The following NSRP1 variants were observed in gnomAD, a reference collection of about 807,000 sequenced individuals.
NSRP1 encodes the protein coiled-coil domain containing 55.
A neutral mutation model predicts 54.7 loss-of-function variants in NSRP1; 24 were observed. The ratio of observed to expected loss-of-function variants is 0.44; its 90% confidence interval spans 0.32 to 0.62. The LOEUF is 0.62. Ranked by LOEUF, NSRP1 falls within the 20% of genes least tolerant of loss-of-function variation. The pLI is 0.06. For missense variants in NSRP1, 596 were observed against 651.2 expected (o/e 0.92, Z 0.92); for synonymous variants, 210 against 213.8 (o/e 0.98, Z 0.15).
intron 2 of NSRP1, among the ~76,000 whole-genome samples, chr17:30,158,686 TTAG>T (rs1330853685): frequency 6.6e-6 from 1 of 152,122 alleles, no homozygotes; most frequent in Non-Finnish European, 1.5e-5. Context: ...ATGTGGATAT[TTAG>T]TTCTCCTAGC....
At chr17:30,164,763 G>C (rs887038690) in intron 2 of NSRP1, among the ~76,000 whole-genome samples, 1 of 151,902 alleles carries the variant, frequency 6.6e-6, no homozygotes, top group South Asian at 2.1e-4. Context: ...ATGTCACTGC[G>C]CTCCAGCCTG....
intron 2 of NSRP1, among the ~76,000 whole-genome samples, chr17:30,155,449 A>C (rs2143004886): frequency 6.6e-6 from 1 of 152,358 alleles, no homozygotes; most frequent in Admixed American, 6.5e-5. Flanking sequence ...GAAAATTACC[A>C]GTCATTCAAA....
At chr17:30,127,242 T>G (rs1224563148) in intron 2 of NSRP1, among the ~76,000 whole-genome samples, 8 of 152,188 alleles carry the variant, frequency 5.3e-5, no homozygotes, top group Non-Finnish European at 1.2e-4. Flanking sequence ...CCTAGAACTG[T>G]TTTTTAGATG....
intron 2 of NSRP1, among the ~76,000 whole-genome samples, chr17:30,119,755 G>A (rs535147044): frequency 6.6e-6 from 1 of 152,102 alleles, no homozygotes; most frequent in Non-Finnish European, 1.5e-5. Flanking sequence ...CACCCACCTT[G>A]GCCTCCCAAA....
At chr17:30,159,413 G>C (rs971517843) in intron 2 of NSRP1, among the ~76,000 whole-genome samples, 4 of 151,994 alleles carry the variant, frequency 2.6e-5, no homozygotes, top group Admixed American at 1.3e-4. Flanking sequence ...GTCATCTGCA[G>C]AGAGGGACAG....
At chr17:30,168,070 C>G (rs1438583776) in intron 2 of NSRP1, 1 of 152,098 alleles carries the variant, frequency 6.6e-6, no homozygotes, top group Non-Finnish European at 1.5e-5. Flanking sequence ...CTTTCCATGC[C>G]TTTTAATTCT....
intron 2 of NSRP1, among the ~76,000 whole-genome samples, chr17:30,132,552 A>T (rs1291722432): frequency 2.6e-5 from 4 of 152,224 alleles, no homozygotes; most frequent in African/African-American, 9.6e-5. Context: ...AGACTGTCTC[A>T]AAAAGAAAAG....
intron 6 of NSRP1, 57 bp downstream of exon 6, chr17:30,181,073 G>A: frequency 9.1e-7 from 1 of 1,093,138 alleles, no homozygotes. Flanking sequence ...ATCTGTGGTT[G>A]TGGGGTCATT....
At chr17:30,122,286 CATTGGATATTCT>C (rs1210495968) in intron 2 of NSRP1, 8 of 126,966 alleles carry the variant, frequency 6.3e-5, no homozygotes, top group Non-Finnish European at 1.1e-4. Flanking sequence ...TTTTCATTTC[CATTGGATATTCT>C]ATTGGATATG....
At chr17:30,151,562 A>T (rs1330592534) in intron 2 of NSRP1, among the ~76,000 whole-genome samples, 1 of 152,166 alleles carries the variant, frequency 6.6e-6, no homozygotes, top group Non-Finnish European at 1.5e-5. Flanking sequence ...GTTCATCATC[A>T]TCTTCACATT....
intron 2 of NSRP1, among the ~76,000 whole-genome samples, chr17:30,153,196 C>G (rs2071930556): frequency 6.6e-6 from 1 of 152,150 alleles, no homozygotes; most frequent in Non-Finnish European, 1.5e-5. Flanking sequence ...GGATTACAGG[C>G]ATAAGCCACC....
At chr17:30,126,501 T>G (rs2151877324) in intron 2 of NSRP1, among the ~76,000 whole-genome samples, 1 of 152,366 alleles carries the variant, frequency 6.6e-6, no homozygotes, top group Admixed American at 6.5e-5. Context: ...TTTTAAAAGC[T>G]TGCATTATAA....
intron 1 of NSRP1, among the ~76,000 whole-genome samples, chr17:30,117,780 AT>A (rs2071555511): frequency 6.7e-6 from 1 of 148,876 alleles, no homozygotes; most frequent in African/African-American, 2.5e-5. Context: ...TTTTTTTTAA[AT>A]GTTACTGTCA....
chr17:30,158,485 T>C (rs959789796), intron 2 of NSRP1, among the ~76,000 whole-genome samples: 9 of 152,264 alleles, frequency 5.9e-5, no homozygotes, highest in Non-Finnish European at 1.3e-4. Flanking sequence ...CATTTATCTA[T>C]CTTTGTTTTT....
At chr17:30,175,624 C>T (rs7216487) in intron 3 of NSRP1, among the ~76,000 whole-genome samples, 1 of 151,144 alleles carries the variant, frequency 6.6e-6, no homozygotes, top group African/African-American at 2.4e-5. Context: ...GATGGCCAGG[C>T]GCTCTCTTCA....
In NSRP1 at chr17:30,177,880, T is replaced by A. The variant is rs1005502145; in HGVS notation, c.172-191T>A. The A allele has an allele frequency of 1.8e-5, 12 of 659,950 alleles. No homozygotes were observed. In the African/African-American group the frequency reaches 2.2e-4, roughly 12 times the overall value. The allele number at this position is 659,950 out of a possible 1,614,324, so 40.9% of individuals were successfully genotyped here. The stretch of plus-strand genomic sequence containing the variant: ...TTACAAACAAACTTGCCCGGAGTAA[T>A]TAGTAAGTGTAGAGCCAGCATTCAT... On this transcript the variant is annotated intron_variant, in intron 3 of 6. Coordinates refer to ENST00000247026, the MANE Select transcript of NSRP1 (RefSeq NM_032141.4).
intron 2 of NSRP1, among the ~76,000 whole-genome samples, chr17:30,136,790 T>C (rs561406911): frequency 6.6e-6 from 1 of 152,172 alleles, no homozygotes; most frequent in East Asian, 1.9e-4. Flanking sequence ...ATATGATTGA[T>C]TGGGATCTTT....
chr17:30,119,053 G>A (rs111691523), intron 2 of NSRP1, among the ~76,000 whole-genome samples: 8 of 150,538 alleles, frequency 5.3e-5, no homozygotes, highest in African/African-American at 1.7e-4. Context: ...CAGTAAATAT[G>A]TGCTTTTCCA....
chr17:30,186,030 G>A lies in NSRP1; in HGVS notation c.*356G>A, dbSNP rs1905523825. On this transcript the variant is annotated 3_prime_UTR_variant, in exon 7 of 7. Transcript: ENST00000247026. Reference sequence around the variant, plus strand: ...CGTGCCTGTAATACCAACATTTTGGGAGGCCAAGGCAGAAGGATATTGAGG... The same window carrying A: ...CGTGCCTGTAATACCAACATTTTGGAAGGCCAAGGCAGAAGGATATTGAGG... 1 of 159,114 alleles carries A rather than the reference G, an allele frequency of 6.3e-6. No homozygotes were observed. Among genetic ancestry groups the A allele is most frequent in the African/African-American group, 2.4e-5 (1 of 41,676 alleles). 9.9% of individuals were successfully genotyped at this position (159,114 alleles called of 1,614,324 possible). A position where few individuals can be genotyped will look rare whatever the true frequency, so the allele number is the denominator to read the frequency against.
Sources: allele counts gnomAD v4.1 joint callset (sites outside exome capture counted in the v4.1 genomes callset), GRCh38; gene constraint gnomAD v4.1.1; transcripts MANE v1.5; gene names NCBI Gene and HGNC (gene_info 2026-07-23, HGNC 2026-07-21).